CAMTA1: variants seen among roughly 807,000 people sequenced by gnomAD.
CAMTA1 encodes calmodulin-binding transcription activator 1.
Under a neutral mutation model 170.9 loss-of-function variants are expected in CAMTA1, and 27 were observed. That is an observed-to-expected ratio of 0.16 (90% confidence interval 0.12 to 0.22). The LOEUF (loss-of-function observed/expected upper bound fraction) is 0.22. CAMTA1 is among the 10% of genes least tolerant of loss of function. The pLI is 1.00. For missense variants in CAMTA1, 1,619 were observed against 2,217.2 expected, an observed-to-expected ratio of 0.73 and a Z score of 5.42; for synonymous variants, 833 against 891.5, an observed-to-expected ratio of 0.93 and a Z score of 1.17.
chr1:6,840,087 C>T (rs568519649), intron 3 of CAMTA1, among the ~76,000 whole-genome samples: 1 of 152,110 alleles, frequency 6.6e-6, no homozygotes, highest in Non-Finnish European at 1.5e-5. Flanking sequence ...GTAATCCCAG[C>T]TACTCGGAGG....
intron 5 of CAMTA1, among the ~76,000 whole-genome samples, chr1:7,449,043 G>A (rs985209085): frequency 1.3e-5 from 2 of 152,224 alleles, no homozygotes; most frequent in African/African-American, 2.4e-5. Flanking sequence ...TCTGTGGGGC[G>A]CCATGGGCTG....
At chr1:7,749,898 A>C in intron 19 of CAMTA1, 1 of 422,808 alleles carries the variant, frequency 2.4e-6, no homozygotes. Context: ...GTCATGGAGT[A>C]AACATATCCC....
chr1:7,380,737 C>G (rs951223060), intron 5 of CAMTA1, among the ~76,000 whole-genome samples: 20 of 152,172 alleles, frequency 1.3e-4, no homozygotes, highest in Admixed American at 7.9e-4. Flanking sequence ...GCCAAGATAA[C>G]AAACAGTCCT....
At chr1:7,473,412 C>G (rs114040936) in intron 6 of CAMTA1, among the ~76,000 whole-genome samples, 3 of 152,168 alleles carry the variant, frequency 2.0e-5, no homozygotes, top group Admixed American at 6.5e-5. Flanking sequence ...TCGGGGCTCC[C>G]CCAAGGAGGA....
In CAMTA1 at chr1:7,293,180, G is replaced by C. The variant is rs1673406466; in HGVS notation, c.438+43554G>C. 6.6e-6 allele frequency among the ~76,000 whole-genome samples: 1 copy of C among 152,198 alleles called. No homozygotes were observed. Among genetic ancestry groups the C allele is most frequent in the African/African-American group, 2.4e-5 (1 of 41,450 alleles). On this transcript the variant is annotated intron_variant, in intron 5 of 22. Coordinates refer to ENST00000303635, the MANE Select transcript of CAMTA1 (RefSeq NM_015215.4). The surrounding 1 kb of genome is among the most constrained non-coding windows in gnomAD (Gnocchi z 4.1). The stretch of plus-strand genomic sequence containing the variant: ...GGGTGGGGCTGCCTTCCTGGGAAGG[G>C]ATTGCGCTGCAGAAGCTGGGGCTGG...
intron 3 of CAMTA1, among the ~76,000 whole-genome samples, chr1:6,929,606 G>T (rs924280394): frequency 1.3e-5 from 2 of 152,104 alleles, no homozygotes; most frequent in South Asian, 4.1e-4. Context: ...CTCGTGATCC[G>T]CCCGCCTCGG....
In CAMTA1 at chr1:7,696,509, T is replaced by A. The variant is rs796717680; in HGVS notation, c.2914+18776T>A. ...GTGCCCAGCCAGTTTTTTTTTTTTTTAAAATAAATGTTATCTGCTTTATAA... is the reference window on the plus strand; with the variant it reads ...GTGCCCAGCCAGTTTTTTTTTTTTTAAAAATAAATGTTATCTGCTTTATAA... On this transcript the variant is annotated intron_variant, in intron 11 of 22. Transcript: ENST00000303635. 6.3e-4 allele frequency among the ~76,000 whole-genome samples: 95 copies of A among 151,098 alleles called. 1 individual carries two copies. The highest frequency in any genetic ancestry group is 8.8e-4 in the African/African-American group (36 of 41,110).
At chr1:7,377,254 C>T (rs2086908120) in intron 5 of CAMTA1, among the ~76,000 whole-genome samples, 1 of 152,202 alleles carries the variant, frequency 6.6e-6, no homozygotes, top group Non-Finnish European at 1.5e-5. Flanking sequence ...CAGCAATTAA[C>T]ACCGTCCTCG....
intron 6 of CAMTA1, among the ~76,000 whole-genome samples, chr1:7,526,251 C>T (rs1575803713): frequency 1.3e-5 from 2 of 152,082 alleles, no homozygotes; most frequent in African/African-American, 2.4e-5. Flanking sequence ...ACCCCAGGGG[C>T]TCCAGGGGCT....
At chr1:7,449,761 C>T (rs1349544390) in intron 5 of CAMTA1, among the ~76,000 whole-genome samples, 3 of 125,632 alleles carry the variant, frequency 2.4e-5, no homozygotes, top group Non-Finnish European at 4.9e-5. Context: ...CAGAGCAAGA[C>T]TCGGTCTCAA....
At chr1:6,988,208 G>A (rs767458412) in intron 3 of CAMTA1, among the ~76,000 whole-genome samples, 2 of 152,094 alleles carry the variant, frequency 1.3e-5, no homozygotes, top group Non-Finnish European at 2.9e-5. Flanking sequence ...GAGGTGGTGC[G>A]GGTGCGCTGG....
intron 3 of CAMTA1, among the ~76,000 whole-genome samples, chr1:6,938,493 G>A (rs551501278): frequency 1.2e-4 from 18 of 152,314 alleles, no homozygotes; most frequent in African/African-American, 4.1e-4. Flanking sequence ...GGAGGGATGC[G>A]TCTGGGGCTC....
chr1:7,594,230 GAAGGAAGGAAGA>G (rs1362734058), intron 6 of CAMTA1, among the ~76,000 whole-genome samples: 62 of 150,804 alleles, frequency 4.1e-4, no homozygotes, highest in South Asian at 1.7e-3. Context: ...AGGAAGGAAG[GAAGGAAGGAAGA>G]AAGAAAAGAA....
intron 6 of CAMTA1, among the ~76,000 whole-genome samples, chr1:7,535,924 T>C (rs1361807784): frequency 6.6e-6 from 1 of 152,236 alleles, no homozygotes; most frequent in Non-Finnish European, 1.5e-5. Flanking sequence ...CTTTTTGCTG[T>C]TGTTGTTTGA....
intron 3 of CAMTA1, among the ~76,000 whole-genome samples, chr1:7,047,426 C>A (rs527905850): frequency 1.1e-4 from 16 of 152,204 alleles, no homozygotes; most frequent in Non-Finnish European, 2.2e-4. Flanking sequence ...GGAACTGGCA[C>A]ACGCAGGACC....
intron 4 of CAMTA1, among the ~76,000 whole-genome samples, chr1:7,208,696 G>A (rs1047693914): frequency 6.6e-6 from 1 of 152,218 alleles, no homozygotes; most frequent in African/African-American, 2.4e-5. Flanking sequence ...CCATAGCTGA[G>A]CCTTGAAGAG....
intron 6 of CAMTA1, among the ~76,000 whole-genome samples, chr1:7,529,108 G>A (rs913412797): frequency 1.3e-5 from 2 of 152,140 alleles, no homozygotes; most frequent in Non-Finnish European, 2.9e-5. Context: ...CCCATCCCAC[G>A]GGTCTGTTGT....
chr1:7,239,012 T>C (rs565926122), intron 4 of CAMTA1, among the ~76,000 whole-genome samples: 1 of 152,354 alleles, frequency 6.6e-6, no homozygotes, highest in African/African-American at 2.4e-5. Context: ...TTTATATCAG[T>C]GCCCGCTATT....
chr1:6,800,126 C>T (rs12026698), intron 1 of CAMTA1, among the ~76,000 whole-genome samples: 12,138 of 152,020 alleles, frequency 0.08, 729 homozygotes, highest in East Asian at 0.26. Context: ...AAACGTAGGC[C>T]GGGTGCTGTG....
Sources: gnomAD v4.1 joint callset for allele counts (sites outside exome capture counted in the v4.1 genomes callset) on GRCh38, gnomAD v4.1.1 for gene constraint, Gnocchi (gnomAD v3.1) non-coding constraint, MANE v1.5 for transcripts, NCBI Gene and HGNC (gene_info 2026-07-23, HGNC 2026-07-21) for gene names.